The following LSAMP variants were observed in gnomAD, a reference collection of about 807,000 sequenced individuals.
The protein encoded by LSAMP is limbic system associated membrane protein, also known as limbic system-associated membrane protein.
Under a neutral mutation model 38.6 loss-of-function variants are expected in LSAMP, and 7 were observed. That is an observed-to-expected ratio of 0.18 (90% CI 0.10 to 0.34). The LOEUF is 0.34. Among genes scored for constraint, LSAMP ranks in the 10% least tolerant of loss-of-function variants. The probability of loss-of-function intolerance (pLI) is 1.00; values close to 1 mark genes in which losing one functional copy is unlikely to be tolerated. For missense variants in LSAMP, 313 were observed against 420.0 expected (o/e 0.75, Z 2.23); for synonymous variants, 154 against 166.8 (o/e 0.92, Z 0.59).
chr3:116,108,622 G>A (rs907979158), intron 1 of LSAMP, among the ~76,000 whole-genome samples: 1 of 152,208 alleles, frequency 6.6e-6, no homozygotes, highest in African/African-American at 2.4e-5. Context: ...GAGTCAGAGA[G>A]CCTTGGGCCA....
rs111815323 is a variant in LSAMP at position 115,837,663 on chromosome 3, GA to G, written c.919+4181del. 6.0e-5 allele frequency among the ~76,000 whole-genome samples: 9 copies of G among 150,508 alleles called. No individual in the cohort carries two copies. The South Asian group carries it at 6.3e-4, about 11-fold the overall frequency. ...AAGGCCTCGTTGAGTGAAAAAAGGAGAAAAAAAAATAGATTCTGCTCACCTC... is the reference window on the plus strand; with the variant it reads ...AAGGCCTCGTTGAGTGAAAAAAGGAGAAAAAAAATAGATTCTGCTCACCTC... On this transcript the variant is annotated intron_variant, in intron 6 of 6. Transcript: ENST00000490035.
chr3:116,391,639 G>A (rs1576186442), intron 1 of LSAMP, among the ~76,000 whole-genome samples: 2 of 150,288 alleles, frequency 1.3e-5, no homozygotes, highest in South Asian at 2.1e-4. Context: ...GCAGTGCCAC[G>A]TTTGTACTGA....
intron 6 of LSAMP, among the ~76,000 whole-genome samples, chr3:115,841,321 A>G (rs1016649134): frequency 6.6e-6 from 1 of 152,174 alleles, no homozygotes; most frequent in African/African-American, 2.4e-5. Context: ...CCTCCTTTAG[A>G]TTTTACATTA....
intron 6 of LSAMP, among the ~76,000 whole-genome samples, chr3:115,810,846 C>T (rs1054431960): frequency 2.0e-5 from 3 of 152,110 alleles, no homozygotes; most frequent in Non-Finnish European, 2.9e-5. Flanking sequence ...ATGGCATCTC[C>T]ACCAATAAAG....
chr3:115,859,899 C>G (rs1301631618), intron 3 of LSAMP, among the ~76,000 whole-genome samples: 5 of 152,176 alleles, frequency 3.3e-5, no homozygotes, highest in South Asian at 2.1e-4. Flanking sequence ...ACCATTACCC[C>G]CTACTTGGTG....
chr3:116,224,137 A>G (rs2046317703), intron 1 of LSAMP, among the ~76,000 whole-genome samples: 1 of 152,188 alleles, frequency 6.6e-6, no homozygotes, highest in African/African-American at 2.4e-5. Context: ...TAGGCTTACA[A>G]GTTCAAGATC....
intron 1 of LSAMP, among the ~76,000 whole-genome samples, chr3:116,345,610 T>G (rs962599049): frequency 6.6e-6 from 1 of 151,932 alleles, no homozygotes; most frequent in African/African-American, 2.4e-5. Flanking sequence ...ATTTTTAAAA[T>G]TTTATTTTTT....
chr3:115,974,483 A>G (rs1006215647), intron 3 of LSAMP, among the ~76,000 whole-genome samples: 4 of 152,216 alleles, frequency 2.6e-5, no homozygotes, highest in African/African-American at 7.2e-5. Flanking sequence ...GCACCCAGAA[A>G]AAATGGTGGA....
intron 1 of LSAMP, among the ~76,000 whole-genome samples, chr3:116,256,070 C>T (rs918089864): frequency 2.0e-5 from 3 of 152,148 alleles, no homozygotes; most frequent in Non-Finnish European, 4.4e-5. Flanking sequence ...TTTCTAAACG[C>T]TTCCATTGAG....
At chr3:116,172,352 C>CTT (rs200181227) in intron 1 of LSAMP, among the ~76,000 whole-genome samples, 45 of 142,880 alleles carry the variant, frequency 3.1e-4, no homozygotes, top group African/African-American at 9.6e-4. Flanking sequence ...TAAGGCTTTC[C>CTT]TTTTTTTTTT....
intron 3 of LSAMP, among the ~76,000 whole-genome samples, chr3:116,014,007 T>C (rs1173435922): frequency 6.6e-6 from 1 of 152,204 alleles, no homozygotes; most frequent in East Asian, 1.9e-4. Context: ...CCCTGTTTTA[T>C]GGTCTCATTG....
chr3:115,812,683 A>G (rs1278220423), intron 6 of LSAMP, among the ~76,000 whole-genome samples: 2 of 152,242 alleles, frequency 1.3e-5, no homozygotes, highest in African/African-American at 4.8e-5. Context: ...CACAAAAATT[A>G]AAGCCATAGA....
At chr3:116,012,865 T>G (rs893818807) in intron 3 of LSAMP, among the ~76,000 whole-genome samples, 10 of 152,226 alleles carry the variant, frequency 6.6e-5, no homozygotes, top group African/African-American at 2.4e-4. Context: ...CTACGTATTA[T>G]TTTAATTTTC....
At chr3:115,835,909 A>G (rs990315783) in intron 6 of LSAMP, among the ~76,000 whole-genome samples, 1 of 152,216 alleles carries the variant, frequency 6.6e-6, no homozygotes, top group Non-Finnish European at 1.5e-5. Flanking sequence ...TCCACTGGTT[A>G]TTTGGTATTA....
chr3:115,945,742 C>A (rs1938076236), intron 3 of LSAMP, among the ~76,000 whole-genome samples: 1 of 152,088 alleles, frequency 6.6e-6, no homozygotes, highest in Non-Finnish European at 1.5e-5. Flanking sequence ...TGTTTAACAG[C>A]TTTTAAAAAG....
At chr3:115,931,773 G>A (rs1937584426) in intron 3 of LSAMP, among the ~76,000 whole-genome samples, 2 of 152,130 alleles carry the variant, frequency 1.3e-5, no homozygotes, top group Non-Finnish European at 1.5e-5. Flanking sequence ...AATCCCATGA[G>A]GTAGACTGTT....
At chr3:116,110,540 G>A (rs1282478423) in intron 1 of LSAMP, among the ~76,000 whole-genome samples, 1 of 152,156 alleles carries the variant, frequency 6.6e-6, no homozygotes, top group African/African-American at 2.4e-5. Flanking sequence ...AAAATGAAAG[G>A]AATTGAAATT....
chr3:115,941,723 CACTT>C (rs1198518007), intron 3 of LSAMP, among the ~76,000 whole-genome samples: 4 of 152,098 alleles, frequency 2.6e-5, no homozygotes, highest in Admixed American at 2.0e-4. Flanking sequence ...TGTACGTTCT[CACTT>C]ACATGTGGAA....
At chr3:115,851,646 G>A (rs1433588432) in intron 4 of LSAMP, among the ~76,000 whole-genome samples, 1 of 152,184 alleles carries the variant, frequency 6.6e-6, no homozygotes, top group East Asian at 1.9e-4. Context: ...ATGTGTGTAT[G>A]TAGGATGTGT....
Sources: gnomAD v4.1 joint callset for allele counts (sites outside exome capture counted in the v4.1 genomes callset) on GRCh38, gnomAD v4.1.1 for gene constraint, MANE v1.5 for transcripts, NCBI Gene and HGNC (gene_info 2026-07-23, HGNC 2026-07-21) for gene names.